SWAP70: variants seen among roughly 807,000 people sequenced by gnomAD.
SWAP70 encodes the protein switching B cell complex subunit SWAP70.
Under a neutral mutation model 80.2 loss-of-function variants are expected in SWAP70, and 34 were observed. The observed-to-expected ratio is 0.42, with a 90% confidence interval of 0.32 to 0.56. SWAP70 has a LOEUF of 0.56. SWAP70 is among the 20% of genes least tolerant of loss of function. The pLI is 0.09. For missense variants in SWAP70, 578 were observed against 690.7 expected (o/e 0.84, Z 1.83); for synonymous variants, 239 against 238.5 (o/e 1.00, Z -0.02).
chr11:9,747,751 G>T, intron 9 of SWAP70, 107 bp from the exon 10 acceptor site: 4 of 1,049,204 alleles, frequency 3.8e-6, no homozygotes, highest in Non-Finnish European at 5.9e-6. Flanking sequence ...ATGAAAGGGG[G>T]ATTAGACGAC....
chr11:9,689,988 G>A (rs1364334987), intron 1 of SWAP70, among the ~76,000 whole-genome samples: 1 of 152,178 alleles, frequency 6.6e-6, no homozygotes, highest in Non-Finnish European at 1.5e-5. Context: ...CAGAGGGAAG[G>A]TAGCAAAGCA....
intron 2 of SWAP70, among the ~76,000 whole-genome samples, chr11:9,702,773 T>C (rs1323389862): frequency 1.3e-5 from 2 of 152,186 alleles, no homozygotes; most frequent in Admixed American, 6.5e-5. Context: ...CTCTACATTT[T>C]CATTATATTT....
chr11:9,665,057 A>C (rs1439299917), intron 1 of SWAP70, among the ~76,000 whole-genome samples: 1 of 152,062 alleles, frequency 6.6e-6, no homozygotes, highest in African/African-American at 2.4e-5. Context: ...GAGTAACCCC[A>C]AGCAGCGAAA....
intron 9 of SWAP70, chr11:9,741,820 C>T (rs11042489): frequency 6.7e-6 from 1 of 150,148 alleles, no homozygotes; most frequent in Non-Finnish European, 1.5e-5. Flanking sequence ...CACAAAGCTT[C>T]TGAAAAATAC....
In SWAP70 at chr11:9,675,368, A is replaced by G. The variant is rs1332427196; in HGVS notation, c.99+11090A>G. Among the ~76,000 whole-genome samples the G allele has an allele frequency of 3.8e-3, 126 of 32,940 alleles. 6 individuals carry two copies. Among genetic ancestry groups the G allele is most frequent in the East Asian group, 5.4e-3 (6 of 1,104 alleles). The allele number at this position is 32,940 out of a possible 152,430, so 21.6% of individuals were successfully genotyped here. Reference sequence around the variant, plus strand: ...GAGCGAGAGAGAGAGAGAGAGAGAGAGAGAGAGAGAGAGAGAGAGAGAGAG... The same window carrying G: ...GAGCGAGAGAGAGAGAGAGAGAGAGGGAGAGAGAGAGAGAGAGAGAGAGAG... On this transcript the variant is annotated intron_variant, in intron 1 of 11. Coordinates refer to ENST00000318950, the MANE Select transcript of SWAP70 (RefSeq NM_015055.4).
At chr11:9,698,063 G>C (rs1850781425) in intron 2 of SWAP70, among the ~76,000 whole-genome samples, 1 of 147,552 alleles carries the variant, frequency 6.8e-6, no homozygotes, top group African/African-American at 2.5e-5. Flanking sequence ...TGGGATTACA[G>C]ATGTGAGCCA....
At chr11:9,665,468 A>G (rs989519537) in intron 1 of SWAP70, among the ~76,000 whole-genome samples, 3 of 152,226 alleles carry the variant, frequency 2.0e-5, no homozygotes, top group African/African-American at 4.8e-5. Flanking sequence ...ACATATGTAT[A>G]GATTTATATA....
chr11:9,675,344 A>C lies in SWAP70; in HGVS notation c.99+11066A>C, dbSNP rs1441422672. Among the ~76,000 whole-genome samples the C allele has an allele frequency of 1.2e-4, 7 of 56,236 alleles. 2 individuals are homozygous for C. The Admixed American group carries it at 1.5e-3, about 12-fold the overall frequency. The allele number at this position is 56,236 out of a possible 152,430, so 36.9% of individuals were successfully genotyped here. On this transcript the variant is annotated intron_variant, in intron 1 of 11. Transcript: ENST00000318950. Reference sequence around the variant, plus strand: ...GCGAGAGAGAGAGAGAGAGAGAGGGAGCGAGAGAGAGAGAGAGAGAGAGAG... The same window carrying C: ...GCGAGAGAGAGAGAGAGAGAGAGGGCGCGAGAGAGAGAGAGAGAGAGAGAG...
intron 1 of SWAP70, among the ~76,000 whole-genome samples, chr11:9,673,506 C>A (rs1850446568): frequency 6.6e-6 from 1 of 152,054 alleles, no homozygotes; most frequent in Non-Finnish European, 1.5e-5. Flanking sequence ...CTTATGGAGA[C>A]TTTATTGGAT....
At chr11:9,674,994 T>TA (rs1850470248) in intron 1 of SWAP70, among the ~76,000 whole-genome samples, 1 of 149,746 alleles carries the variant, frequency 6.7e-6, no homozygotes, top group South Asian at 2.1e-4. Context: ...ATTTTAAATT[T>TA]AAAAAATAGA....
chr11:9,709,352 C>T (rs545347183), intron 2 of SWAP70, among the ~76,000 whole-genome samples: 5 of 152,116 alleles, frequency 3.3e-5, no homozygotes, highest in African/African-American at 1.2e-4. Context: ...TGGTCTCGAG[C>T]TCCTGGTCTC....
At chr11:9,713,397 T>A in intron 2 of SWAP70, 69 bp from the exon 3 acceptor site, 4 of 1,457,864 alleles carry the variant, frequency 2.7e-6, no homozygotes, top group Non-Finnish European at 3.7e-6. Flanking sequence ...TTTGTCTTTC[T>A]ATTTTACTTG....
At chr11:9,676,408 T>C (rs566095890) in intron 1 of SWAP70, among the ~76,000 whole-genome samples, 10 of 152,326 alleles carry the variant, frequency 6.6e-5, no homozygotes, top group Admixed American at 6.5e-4. Context: ...CTTGGTATCC[T>C]TGGGGGATTG....
At chr11:9,738,462 A>G in intron 8 of SWAP70, 142 bp downstream of exon 8, 1 of 480,258 alleles carries the variant, frequency 2.1e-6, no homozygotes, top group Non-Finnish European at 3.6e-6. Context: ...GGGAAGTTGC[A>G]TGTTTGTTCA....
chr11:9,693,049 T>C (rs1850714666), intron 1 of SWAP70, among the ~76,000 whole-genome samples: 1 of 152,170 alleles, frequency 6.6e-6, no homozygotes, highest in Non-Finnish European at 1.5e-5. Flanking sequence ...TTAAAAAAAC[T>C]CCTAACTGAA....
intron 7 of SWAP70, among the ~76,000 whole-genome samples, chr11:9,733,474 C>T (rs910102025): frequency 6.6e-6 from 1 of 152,102 alleles, no homozygotes; most frequent in African/African-American, 2.4e-5. Context: ...CTTGGTAACC[C>T]GTAGAAATGC....
intron 4 of SWAP70, among the ~76,000 whole-genome samples, chr11:9,725,545 ATATATATATATATATATATATATAT>A (rs1851202026): frequency 1.0e-4 from 1 of 9,614 alleles, no homozygotes; most frequent in African/African-American, 3.3e-4. Flanking sequence ...ATATATATAT[ATATATATATATATATATATATATAT>A]TTTTTTTTTT....
At chr11:9,706,325 T>G (rs1403770685) in intron 2 of SWAP70, among the ~76,000 whole-genome samples, 2 of 149,934 alleles carry the variant, frequency 1.3e-5, no homozygotes, top group African/African-American at 2.5e-5. Context: ...TATACACTGG[T>G]GATCTGTGTA....
chr11:9,725,555 ATATATATATATATATTTTTTTTTT>A (rs1851205919), intron 4 of SWAP70, among the ~76,000 whole-genome samples: 1 of 11,218 alleles, frequency 8.9e-5, no homozygotes, highest in African/African-American at 3.1e-4. Context: ...ATATATATAT[ATATATATATATATATTTTTTTTTT>A]TTTTTTTTTC....
Sources: allele counts gnomAD v4.1 joint callset (sites outside exome capture counted in the v4.1 genomes callset), GRCh38; gene constraint gnomAD v4.1.1; transcripts MANE v1.5; gene names NCBI Gene and HGNC (gene_info 2026-07-23, HGNC 2026-07-21).